The following VPS13B variants were observed in gnomAD, a reference collection of about 807,000 sequenced individuals.
VPS13B encodes intermembrane lipid transfer protein VPS13B.
In VPS13B, 285 loss-of-function variants were observed where a neutral mutation model predicts 426.4. The ratio of observed to expected loss-of-function variants is 0.67; its 90% CI spans 0.61 to 0.74. The LOEUF (loss-of-function observed/expected upper bound fraction) is 0.74, where lower values mean the gene tolerates loss of function less well. Ranked by LOEUF, VPS13B falls within the 30% of genes least tolerant of loss-of-function variation. The pLI is 0.00. For missense variants in VPS13B, 4,537 were observed against 4,782.6 expected (o/e 0.95, Z 1.51); for synonymous variants, 1,676 against 1,676.4 (o/e 1.00, Z 0.01).
At chr8:99,396,619 C>T (rs1426791978) in intron 21 of VPS13B, among the ~76,000 whole-genome samples, 1 of 151,782 alleles carries the variant, frequency 6.6e-6, no homozygotes, top group Non-Finnish European at 1.5e-5. Flanking sequence ...CAGCCAACTT[C>T]AGTGTGTTTT....
chr8:99,424,003 G>A (rs532006252), intron 21 of VPS13B, among the ~76,000 whole-genome samples: 2 of 152,292 alleles, frequency 1.3e-5, no homozygotes, highest in South Asian at 4.1e-4. Flanking sequence ...AATGTTGACA[G>A]TGGGGTGTTA....
At chr8:99,232,593 G>A (rs894738650) in intron 17 of VPS13B, among the ~76,000 whole-genome samples, 1 of 152,138 alleles carries the variant, frequency 6.6e-6, no homozygotes, top group African/African-American at 2.4e-5. Context: ...ACATATTACC[G>A]CTGCAGGCAC....
intron 56 of VPS13B, among the ~76,000 whole-genome samples, chr8:99,855,567 A>G (rs1445677055): frequency 6.6e-6 from 1 of 152,210 alleles, no homozygotes; most frequent in Non-Finnish European, 1.5e-5. Context: ...AATAAAGAAC[A>G]TGGAAATCTT....
chr8:99,203,427 G>A (rs1187395574), intron 17 of VPS13B, among the ~76,000 whole-genome samples: 1 of 152,124 alleles, frequency 6.6e-6, no homozygotes, highest in Non-Finnish European at 1.5e-5. Context: ...GCAAAAGCTG[G>A]AAGCATTCCC....
intron 33 of VPS13B, among the ~76,000 whole-genome samples, chr8:99,627,172 A>G (rs1372835503): frequency 1.3e-5 from 2 of 152,072 alleles, no homozygotes; most frequent in East Asian, 1.9e-4. Context: ...CAGATAGACA[A>G]GAGGCATAAG....
At chr8:99,092,714 A>T (rs1846213061) in intron 3 of VPS13B, among the ~76,000 whole-genome samples, 1 of 152,114 alleles carries the variant, frequency 6.6e-6, no homozygotes, top group African/African-American at 2.4e-5. Flanking sequence ...TAGTATATAC[A>T]TTGTCAAAGT....
intron 24 of VPS13B, among the ~76,000 whole-genome samples, chr8:99,468,722 C>A (rs1405142463): frequency 6.6e-6 from 1 of 152,048 alleles, no homozygotes; most frequent in Non-Finnish European, 1.5e-5. Context: ...AAGACTCTTT[C>A]TCTTAAAATT....
Position 99,853,529 on chromosome 8 carries a change from C to A in VPS13B, c.10140C>A (p.His3380Gln). ...SLAVFDDLTH[H>Q]KASAELLRLT... Reference sequence around the variant, plus strand: ...CAGTGTTTGATGACCTCACCCACCACAAAGCATCAGCTGAGCTTCTGAGAC... The same window carrying A: ...CAGTGTTTGATGACCTCACCCACCAAAAAGCATCAGCTGAGCTTCTGAGAC... Residue 3380 changes from histidine to glutamine, a missense_variant, in exon 56 of 62, where the codon CAC becomes CAA. Coordinates refer to ENST00000357162, the MANE Select transcript of VPS13B (RefSeq NM_152564.5). 1 of 1,614,182 alleles carries A rather than the reference C, an allele frequency of 6.2e-7. No individual in the cohort carries two copies.
chr8:99,681,686 T>C (rs569411707), intron 35 of VPS13B, among the ~76,000 whole-genome samples: 3 of 152,278 alleles, frequency 2.0e-5, no homozygotes, highest in Admixed American at 2.0e-4. Context: ...AATAAATAAG[T>C]TAACATAGCA....
intron 35 of VPS13B, among the ~76,000 whole-genome samples, chr8:99,664,564 G>A (rs544927050): frequency 2.2e-4 from 34 of 152,062 alleles, no homozygotes; most frequent in African/African-American, 6.8e-4. Context: ...GAGAACATGC[G>A]GTGTTTGGGT....
At chr8:99,536,618 C>T (rs1823238154) in intron 30 of VPS13B, 1 of 533,688 alleles carries the variant, frequency 1.9e-6, no homozygotes, top group African/African-American at 1.9e-5. Flanking sequence ...ACCCCATTAT[C>T]CTTTAACTGA....
chr8:99,083,051 G>A lies in VPS13B; in HGVS notation c.292-13261G>A, dbSNP rs1214201803. ...GCATTGAATCTATAAATTACCTTGG[G>A]CAGTATGGCCATTTTCATGATATTG... On this transcript the variant is annotated intron_variant, in intron 3 of 61. Coordinates refer to ENST00000357162, the MANE Select transcript of VPS13B (RefSeq NM_152564.5). Among the ~76,000 whole-genome samples the A allele has an allele frequency of 2.0e-5, 3 of 152,226 alleles. No individual in the cohort carries two copies. The South Asian group carries it at 6.2e-4, about 32-fold the overall frequency.
intron 8 of VPS13B, among the ~76,000 whole-genome samples, chr8:99,126,780 G>C (rs997247487): frequency 6.6e-6 from 1 of 152,100 alleles, no homozygotes; most frequent in Non-Finnish European, 1.5e-5. Flanking sequence ...GAGTTTCTTT[G>C]GGATATGCTT....
At chr8:99,313,705 G>A (rs1312769109) in intron 19 of VPS13B, among the ~76,000 whole-genome samples, 1 of 152,102 alleles carries the variant, frequency 6.6e-6, no homozygotes, top group Non-Finnish European at 1.5e-5. Flanking sequence ...TGTCAGACAG[G>A]GATATTTAAG....
chr8:99,496,043 C>T (rs1820864180), intron 25 of VPS13B, among the ~76,000 whole-genome samples: 1 of 152,044 alleles, frequency 6.6e-6, no homozygotes. Context: ...AACATAATTC[C>T]AAAGTGGGCT....
At chr8:99,214,457 A>G (rs911043256) in intron 17 of VPS13B, among the ~76,000 whole-genome samples, 1 of 152,192 alleles carries the variant, frequency 6.6e-6, no homozygotes, top group African/African-American at 2.4e-5. Context: ...CAGATTTTTC[A>G]TGTAATTTTA....
rs554296503 is a variant in VPS13B, at chr8:99,589,531, G to T, written c.5220+11898G>T. On this transcript the variant is annotated intron_variant, in intron 33 of 61. Coordinates refer to ENST00000357162, the MANE Select transcript of VPS13B (RefSeq NM_152564.5). The stretch of plus-strand genomic sequence containing the variant: ...TCATCCATGTCCCTACAAAGGACAT[G>T]AACTCATCTTTTTTTATGGCTGCAT... Among the ~76,000 whole-genome samples, 6 of 151,826 alleles carry T rather than the reference G, an allele frequency of 4.0e-5. No individual in the cohort carries two copies. The South Asian group carries it at 1.2e-3, about 32-fold the overall frequency.
intron 19 of VPS13B, among the ~76,000 whole-genome samples, chr8:99,380,278 A>T (rs1813720597): frequency 6.6e-6 from 1 of 152,172 alleles, no homozygotes; most frequent in Non-Finnish European, 1.5e-5. Context: ...TGTATAAGTG[A>T]TACTTGGGAA....
intron 33 of VPS13B, among the ~76,000 whole-genome samples, chr8:99,590,494 C>T (rs1826582152): frequency 1.3e-5 from 2 of 152,196 alleles, no homozygotes; most frequent in Admixed American, 1.3e-4. Context: ...TTTCCGTCTA[C>T]ACACTGCTTT....
Sources: gnomAD v4.1 joint callset for allele counts (sites outside exome capture counted in the v4.1 genomes callset) on GRCh38, gnomAD v4.1.1 for gene constraint, MANE v1.5 for transcripts, NCBI Gene and HGNC (gene_info 2026-07-23, HGNC 2026-07-21) for gene names.